The following ST6GALNAC3 variants were observed in gnomAD, a reference collection of about 807,000 sequenced individuals.
The protein encoded by ST6GALNAC3 is ST6 N-acetylgalactosaminide alpha-2,6-sialyltransferase 3, also known as alpha-N-acetylgalactosaminide alpha-2,6-sialyltransferase 3.
In ST6GALNAC3, 25 loss-of-function variants were observed where a neutral mutation model predicts 32.7. The observed-to-expected ratio is 0.76, with a 90% CI of 0.56 to 1.07. The LOEUF (loss-of-function observed/expected upper bound fraction) is 1.07. ST6GALNAC3 is among the 50% of genes least tolerant of loss of function. The pLI is 0.00. For synonymous variants in ST6GALNAC3, 129 were observed against 133.1 expected, an observed-to-expected ratio of 0.97 and a Z score of 0.21; for missense variants, 355 against 382.4, an observed-to-expected ratio of 0.93 and a Z score of 0.60.
intron 3 of ST6GALNAC3, among the ~76,000 whole-genome samples, chr1:76,582,311 A>T (rs1444287153): frequency 6.6e-6 from 1 of 152,204 alleles, no homozygotes; most frequent in East Asian, 1.9e-4. Flanking sequence ...CAGTCTTTCC[A>T]TGTGGCTTGG....
chr1:76,400,526 A>G (rs1188792025), intron 2 of ST6GALNAC3, among the ~76,000 whole-genome samples: 2 of 152,206 alleles, frequency 1.3e-5, no homozygotes, highest in South Asian at 2.1e-4. Flanking sequence ...CAGGAAAATA[A>G]CAATGATTTT....
chr1:76,461,572 C>A (rs1658281811), intron 3 of ST6GALNAC3, among the ~76,000 whole-genome samples: 1 of 152,148 alleles, frequency 6.6e-6, no homozygotes, highest in Non-Finnish European at 1.5e-5. Context: ...TCTGTCTCAG[C>A]ATGGGCATCT....
intron 2 of ST6GALNAC3, among the ~76,000 whole-genome samples, chr1:76,346,597 A>C (rs1322541797): frequency 2.0e-5 from 3 of 152,216 alleles, no homozygotes; most frequent in Non-Finnish European, 4.4e-5. Context: ...CTTTGGCTGC[A>C]ATGCACAGCT....
chr1:76,163,926 A>T (rs1001893741), intron 1 of ST6GALNAC3, among the ~76,000 whole-genome samples: 1 of 152,146 alleles, frequency 6.6e-6, no homozygotes, highest in African/African-American at 2.4e-5. Context: ...CTCAAAAGCC[A>T]CCTACCTTTA....
rs1316238934 is a variant in ST6GALNAC3, at chr1:76,536,955, C to G, written c.624-90497C>G. Among the ~76,000 whole-genome samples the G allele has an allele frequency of 2.6e-5, 4 of 152,290 alleles. No homozygotes were observed. The East Asian group carries it at 7.7e-4, about 29-fold the overall frequency. ...GAGTCAGAAAATTAACAAGGATATT[C>G]AGGACTCGAACTCAGCTCTGGATCA... is the stretch of plus-strand genomic sequence containing the variant. On this transcript the variant is annotated intron_variant, in intron 3 of 4. Coordinates refer to ENST00000328299, the MANE Select transcript of ST6GALNAC3 (RefSeq NM_152996.4).
intron 1 of ST6GALNAC3, among the ~76,000 whole-genome samples, chr1:76,203,408 G>A (rs1179393530): frequency 1.3e-5 from 2 of 152,162 alleles, no homozygotes; most frequent in Non-Finnish European, 2.9e-5. Context: ...GTCTGCGGTT[G>A]GTAAGTTTTA....
intron 1 of ST6GALNAC3, among the ~76,000 whole-genome samples, chr1:76,283,596 C>A (rs979202831): frequency 9.2e-5 from 14 of 152,168 alleles, no homozygotes; most frequent in African/African-American, 2.7e-4. Context: ...CATGTCTTGC[C>A]TCTTTTGATC....
At chr1:76,315,218 T>C (rs962906254) in intron 2 of ST6GALNAC3, among the ~76,000 whole-genome samples, 1 of 152,138 alleles carries the variant, frequency 6.6e-6, no homozygotes, top group African/African-American at 2.4e-5. Context: ...ATTACCTATA[T>C]AAAAATGTAT....
chr1:76,550,773 G>A (rs998984562), intron 3 of ST6GALNAC3, among the ~76,000 whole-genome samples: 1 of 151,914 alleles, frequency 6.6e-6, no homozygotes, highest in African/African-American at 2.4e-5. Context: ...TTTTTGAGAC[G>A]GAGTTTTGCT....
At chr1:76,297,264 C>T (rs1181205234) in intron 1 of ST6GALNAC3, among the ~76,000 whole-genome samples, 1 of 152,008 alleles carries the variant, frequency 6.6e-6, no homozygotes, top group Non-Finnish European at 1.5e-5. Flanking sequence ...TTAAAAGTAT[C>T]TCAATATCCA....
In ST6GALNAC3 at chr1:76,365,854, C is replaced by T. The variant is rs574010441; in HGVS notation, c.214-46154C>T. Among the ~76,000 whole-genome samples the T allele has an allele frequency of 7.2e-5, 11 of 152,210 alleles. No individual in the cohort carries two copies. The East Asian group carries it at 9.7e-4, about 13-fold the overall frequency. On this transcript the variant is annotated intron_variant, in intron 2 of 4. Transcript: ENST00000328299. The stretch of plus-strand genomic sequence containing the variant: ...TCATGGTTATAGTTTTTGTGTCAAC[C>T]GTATTGATGTATACATCAATAAACA...
intron 1 of ST6GALNAC3, among the ~76,000 whole-genome samples, chr1:76,083,399 CTT>C (rs1646924740): frequency 6.6e-6 from 1 of 152,244 alleles, no homozygotes; most frequent in African/African-American, 2.4e-5. Flanking sequence ...GAAAGTCTCT[CTT>C]TGTGAAGCGT....
chr1:76,469,064 A>C (rs1025063738), intron 3 of ST6GALNAC3, among the ~76,000 whole-genome samples: 48 of 152,216 alleles, frequency 3.2e-4, no homozygotes, highest in African/African-American at 1.1e-3. Context: ...GCTGGATTAA[A>C]ATAATGTTAT....
chr1:76,142,604 G>C (rs1255258179), intron 1 of ST6GALNAC3, among the ~76,000 whole-genome samples: 2 of 152,200 alleles, frequency 1.3e-5, no homozygotes, highest in Admixed American at 1.3e-4. Context: ...AGAAAGAAGG[G>C]AAGACAGTCA....
chr1:76,515,982 G>C (rs12132707), intron 3 of ST6GALNAC3, among the ~76,000 whole-genome samples: 16,289 of 152,182 alleles, frequency 0.11, 998 homozygotes, highest in East Asian at 0.22. Flanking sequence ...TGTATGATCT[G>C]TTCATTGTTG....
At position 76,275,139 on chromosome 1, in the gene ST6GALNAC3, T is replaced by C. The variant is rs570608160; in HGVS notation, c.19-38666T>C. 6.6e-5 allele frequency among the ~76,000 whole-genome samples: 10 copies of C among 152,286 alleles called. No individual in the cohort carries two copies. The South Asian group carries it at 2.1e-3, about 32-fold the overall frequency. ...TAGAAATGTTCATTGCTCAAAGGCA[T>C]TTAGGAAAAGATTCATTGCAGGACT... On this transcript the variant is annotated intron_variant, in intron 1 of 4. Coordinates refer to ENST00000328299, the MANE Select transcript of ST6GALNAC3 (RefSeq NM_152996.4).
chr1:76,193,926 C>A (rs1249427888), intron 1 of ST6GALNAC3, among the ~76,000 whole-genome samples: 6 of 152,076 alleles, frequency 3.9e-5, no homozygotes, highest in Non-Finnish European at 8.8e-5. Flanking sequence ...TCTTATAGGA[C>A]CAGGTCCCCA....
intron 3 of ST6GALNAC3, among the ~76,000 whole-genome samples, chr1:76,615,161 A>T (rs950407707): frequency 2.0e-5 from 3 of 152,208 alleles, no homozygotes; most frequent in African/African-American, 7.2e-5. Context: ...TAAGTGGTCA[A>T]CATCACTCAT....
Position 76,628,699 on chromosome 1 carries a change from C to G in ST6GALNAC3, c.811C>G (p.His271Asp). Residue 271 changes from histidine (H) to aspartate (D), a missense_variant, in exon 5 of 5, where the codon CAT becomes GAT. Physicochemically the swap from His to Asp is moderately conservative, Grantham distance 81. Coordinates refer to ENST00000328299, the MANE Select transcript of ST6GALNAC3 (RefSeq NM_152996.4). ...DECDEYFLHE[H>D]APYGGHRFIT... ...GTGTGATGAATATTTTCTTCATGAACATGCCCCATATGGGGGTCATAGGTT... is the reference window on the plus strand; with the variant it reads ...GTGTGATGAATATTTTCTTCATGAAGATGCCCCATATGGGGGTCATAGGTT... 1 of 1,612,292 alleles carries G rather than the reference C, an allele frequency of 6.2e-7. No individual in the cohort carries two copies. The highest frequency in any genetic ancestry group is 1.1e-5 in the South Asian group (1 of 91,018).
Sources: gnomAD v4.1 joint callset for allele counts (sites outside exome capture counted in the v4.1 genomes callset) on GRCh38, gnomAD v4.1.1 for gene constraint, MANE v1.5 for transcripts, NCBI Gene and HGNC (gene_info 2026-07-23, HGNC 2026-07-21) for gene names.